STXBP4: variants seen among roughly 807,000 people sequenced by gnomAD.
STXBP4 encodes the protein syntaxin binding protein 4.
Under a neutral mutation model 76.1 loss-of-function variants are expected in STXBP4, and 55 were observed. The ratio of observed to expected loss-of-function variants is 0.72; its 90% CI spans 0.58 to 0.91. The LOEUF (loss-of-function observed/expected upper bound fraction) is 0.91. Among genes scored for constraint, STXBP4 ranks in the 40% least tolerant of loss-of-function variants. The probability of loss-of-function intolerance (pLI) is 0.00; values close to 1 mark genes in which losing one functional copy is unlikely to be tolerated. For missense variants in STXBP4, 618 were observed against 636.9 expected, an observed-to-expected ratio of 0.97 and a Z score of 0.32; for synonymous variants, 201 against 220.2, an observed-to-expected ratio of 0.91 and a Z score of 0.77.
intron 10 of STXBP4, among the ~76,000 whole-genome samples, chr17:55,041,175 C>G (rs926652692): frequency 1.8e-4 from 27 of 151,578 alleles, no homozygotes; most frequent in African/African-American, 6.3e-4. Context: ...AATCCCAATC[C>G]TAGTTTCTCT....
Position 55,083,854 on chromosome 17 carries a change from C to T in STXBP4, c.1489+2671C>T, listed in dbSNP as rs117717500. On this transcript the variant is annotated intron_variant, in intron 16 of 17. Transcript: ENST00000376352. Reference sequence around the variant, plus strand: ...CCCAGCCTCAGAAGTCACACAGCCTCGCTTTCACCATATTCTATTCATCAA... The same window carrying T: ...CCCAGCCTCAGAAGTCACACAGCCTTGCTTTCACCATATTCTATTCATCAA... 8.4e-3 allele frequency among the ~76,000 whole-genome samples: 1,285 copies of T among 152,262 alleles called. 16 individuals carry two copies. Among genetic ancestry groups the T allele is most frequent in the East Asian group, 0.047 (244 of 5,184 alleles).
At chr17:55,022,885 G>A (rs1236709946) in intron 8 of STXBP4, among the ~76,000 whole-genome samples, 4 of 152,146 alleles carry the variant, frequency 2.6e-5, no homozygotes, top group Non-Finnish European at 5.9e-5. Flanking sequence ...CCAAGGTGAG[G>A]TCTCTGGATT....
At chr17:54,978,599 A>G (rs993120621) in intron 1 of STXBP4, among the ~76,000 whole-genome samples, 2 of 152,212 alleles carry the variant, frequency 1.3e-5, no homozygotes, top group African/African-American at 4.8e-5. Flanking sequence ...CATAAAGGGT[A>G]AAATGACATT....
the STXBP4 span, among the ~76,000 whole-genome samples, chr17:55,203,443 C>T: frequency 2.0e-5 from 3 of 152,044 alleles, no homozygotes; most frequent in Non-Finnish European, 4.4e-5. Flanking sequence ...AATAGATGCT[C>T]ATTGTTTGTA....
intron 16 of STXBP4, among the ~76,000 whole-genome samples, chr17:55,104,424 A>G (rs1033696408): frequency 1.3e-5 from 2 of 152,174 alleles, no homozygotes; most frequent in African/African-American, 4.8e-5. Flanking sequence ...GTGATGGATT[A>G]CATTTATTGA....
At chr17:55,031,332 C>A in intron 9 of STXBP4, 68 bp downstream of exon 9, 1 of 1,232,356 alleles carries the variant, frequency 8.1e-7, no homozygotes, top group Non-Finnish European at 1.2e-6. Flanking sequence ...GACACATTTT[C>A]ATTAAGAGTG....
intron 16 of STXBP4, among the ~76,000 whole-genome samples, chr17:55,084,581 C>T (rs1052303304): frequency 2.0e-5 from 3 of 150,938 alleles, no homozygotes; most frequent in Non-Finnish European, 4.4e-5. Context: ...AATGGTAATG[C>T]CTAGGTTTTC....
At chr17:55,055,187 C>T (rs1032765033) in intron 12 of STXBP4, among the ~76,000 whole-genome samples, 1 of 152,042 alleles carries the variant, frequency 6.6e-6, no homozygotes, top group Non-Finnish European at 1.5e-5. Flanking sequence ...ATAAGGGAAA[C>T]ACGGAAAGAT....
chr17:55,113,422 CT>C (rs1440505581), intron 16 of STXBP4, among the ~76,000 whole-genome samples: 2 of 152,030 alleles, frequency 1.3e-5, no homozygotes, highest in Non-Finnish European at 2.9e-5. Flanking sequence ...TGAATCTATA[CT>C]GATCCTGTAA....
chr17:55,058,087 G>A (rs1296586667), intron 12 of STXBP4, among the ~76,000 whole-genome samples: 1 of 152,076 alleles, frequency 6.6e-6, no homozygotes, highest in African/African-American at 2.4e-5. Flanking sequence ...GGATTGCTGG[G>A]TCAAATGGTA....
intron 16 of STXBP4, among the ~76,000 whole-genome samples, chr17:55,095,939 T>A (rs1318058408): frequency 2.0e-5 from 3 of 152,144 alleles, no homozygotes; most frequent in African/African-American, 7.2e-5. Flanking sequence ...AACTGGTAAT[T>A]ATTTTTTTCT....
chr17:54,982,744 A>G (rs1598152752), intron 1 of STXBP4, among the ~76,000 whole-genome samples: 1 of 152,070 alleles, frequency 6.6e-6, no homozygotes, highest in Non-Finnish European at 1.5e-5. Context: ...CAGGCATTTT[A>G]TGATATTTAA....
intron 17 of STXBP4, among the ~76,000 whole-genome samples, chr17:55,158,404 G>A (rs2080303972): frequency 6.6e-6 from 1 of 152,180 alleles, no homozygotes; most frequent in Admixed American, 6.5e-5. Context: ...GTTTGGGGAG[G>A]ACGAAGGCTA....
intron 16 of STXBP4, among the ~76,000 whole-genome samples, chr17:55,136,866 C>G (rs1481634457): frequency 6.6e-6 from 1 of 152,068 alleles, no homozygotes; most frequent in Non-Finnish European, 1.5e-5. Flanking sequence ...CCCCTATAAA[C>G]ACTTTCCTAT....
intron 1 of STXBP4, among the ~76,000 whole-genome samples, chr17:54,982,594 TTGTGTGTGTGTGTG>T (rs61223151): frequency 2.0e-5 from 3 of 149,086 alleles, no homozygotes; most frequent in East Asian, 2.0e-4. Flanking sequence ...TGAGGGTGGT[TTGTGTGTGTGTGTG>T]TGTGTGTGTG....
At chr17:55,051,248 ATAAACC>A (rs1395231101) in intron 12 of STXBP4, among the ~76,000 whole-genome samples, 5 of 152,158 alleles carry the variant, frequency 3.3e-5, no homozygotes, top group African/African-American at 1.2e-4. Flanking sequence ...AAAGGGAAAA[ATAAACC>A]TAAAACTGCA....
chr17:54,988,851 T>G (rs2077666789), intron 3 of STXBP4, among the ~76,000 whole-genome samples: 1 of 152,172 alleles, frequency 6.6e-6, no homozygotes, highest in Non-Finnish European at 1.5e-5. Flanking sequence ...TCTAGCTGAT[T>G]GACTATTGCC....
chr17:55,130,253 A>G (rs1280054814), intron 16 of STXBP4, among the ~76,000 whole-genome samples: 3 of 152,216 alleles, frequency 2.0e-5, no homozygotes, highest in Non-Finnish European at 4.4e-5. Context: ...CTTTCAACCT[A>G]CAGAACTTTC....
At chr17:55,195,513 C>G in the STXBP4 span, among the ~76,000 whole-genome samples, 6 of 152,144 alleles carry the variant, frequency 3.9e-5, no homozygotes, top group Non-Finnish European at 5.9e-5. Context: ...GTGGTGTGAT[C>G]AGAGCTCACT....
Sources: allele counts gnomAD v4.1 joint callset (sites outside exome capture counted in the v4.1 genomes callset), GRCh38; gene constraint gnomAD v4.1.1; transcripts MANE v1.5; gene names NCBI Gene and HGNC (gene_info 2026-07-23, HGNC 2026-07-21).